The following FBXO42 variants were observed in gnomAD, a reference collection of about 807,000 sequenced individuals.
FBXO42 encodes F-box only protein 42.
In FBXO42, 12 loss-of-function variants were observed where a neutral mutation model predicts 71.7. That is an observed-to-expected ratio of 0.17 (90% CI 0.11 to 0.27). The LOEUF is 0.27. FBXO42 is among the 10% of genes least tolerant of loss of function. The pLI, the probability that FBXO42 is intolerant of heterozygous loss-of-function variation, is 1.00. For missense variants in FBXO42, 707 were observed against 911.9 expected, an observed-to-expected ratio of 0.78 and a Z score of 2.89; for synonymous variants, 325 against 327.5, an observed-to-expected ratio of 0.99 and a Z score of 0.08.
chr1:16,290,502 G>C (rs532537527), intron 4 of FBXO42, among the ~76,000 whole-genome samples: 2 of 152,190 alleles, frequency 1.3e-5, no homozygotes, highest in African/African-American at 4.8e-5. Flanking sequence ...GACCAGCCTG[G>C]CCAACATGGT....
Position 16,248,822 on chromosome 1 carries a change from G to A in FBXO42, c.*1848C>T, listed in dbSNP as rs1476463052. 6.6e-6 allele frequency: 1 copy of A among 152,270 alleles called. No individual in the cohort carries two copies. Among genetic ancestry groups the A allele is most frequent in the Non-Finnish European group, 1.5e-5 (1 of 68,048 alleles). 9.4% of individuals were successfully genotyped at this position (152,270 alleles called of 1,614,324 possible). On this transcript the variant is annotated 3_prime_UTR_variant, in exon 10 of 10. Transcript: ENST00000375592. ...ACACATGTTGTTTCCTCATTGAAGG[G>A]AACACAAAGAGCAGTTTCTGGAACA...
chr1:16,315,988 T>C (rs997645202), intron 1 of FBXO42, among the ~76,000 whole-genome samples: 4 of 151,890 alleles, frequency 2.6e-5, no homozygotes, highest in Admixed American at 6.6e-5. Context: ...CTGACAAACA[T>C]GGAGAAACCC....
intron 4 of FBXO42, among the ~76,000 whole-genome samples, chr1:16,276,134 C>T (rs1011038122): frequency 2.0e-5 from 3 of 152,102 alleles, no homozygotes; most frequent in South Asian, 2.1e-4. Context: ...GTAATCCCAG[C>T]ACTTTGGGAG....
chr1:16,328,664 A>C (rs1389661338), intron 1 of FBXO42, among the ~76,000 whole-genome samples: 2 of 152,126 alleles, frequency 1.3e-5, no homozygotes, highest in Non-Finnish European at 2.9e-5. Context: ...CTCATCTACC[A>C]CCTTGTTCTG....
intron 4 of FBXO42, among the ~76,000 whole-genome samples, chr1:16,284,873 C>T (rs983089110): frequency 3.9e-5 from 6 of 152,090 alleles, no homozygotes; most frequent in East Asian, 1.9e-4. Flanking sequence ...GAGGCTGAGG[C>T]GGGAGAATCG....
At chr1:16,305,701 G>A in intron 3 of FBXO42, 102 bp downstream of exon 3, 1 of 976,896 alleles carries the variant, frequency 1.0e-6, no homozygotes, top group South Asian at 1.3e-5. Context: ...GTGATAGAGT[G>A]AGACCTTGTC....
At chr1:16,330,516 T>C (rs952336323) in intron 1 of FBXO42, among the ~76,000 whole-genome samples, 6 of 151,296 alleles carry the variant, frequency 4.0e-5, no homozygotes, top group African/African-American at 1.2e-4. Flanking sequence ...CCCACAAAAA[T>C]TAATTTATTT....
At chr1:16,292,374 T>A (rs893425461) in intron 4 of FBXO42, 4 of 152,216 alleles carry the variant, frequency 2.6e-5, no homozygotes, top group African/African-American at 9.6e-5. Context: ...GCGTCTGGGC[T>A]TATATCTGTG....
At chr1:16,275,959 T>A (rs1369852854) in intron 4 of FBXO42, among the ~76,000 whole-genome samples, 3 of 151,672 alleles carry the variant, frequency 2.0e-5, no homozygotes, top group African/African-American at 7.3e-5. Context: ...TGAGACCCCG[T>A]CTCAAAATAA....
Position 16,328,449 on chromosome 1 carries a change from T to C in FBXO42, c.-17-13014A>G, listed in dbSNP as rs184493905. 5.3e-5 allele frequency among the ~76,000 whole-genome samples: 8 copies of C among 152,316 alleles called. No homozygotes were observed. In the East Asian group the frequency reaches 1.5e-3, roughly 29 times the overall value. ...TGGCATTGAACGATTAAGTAAATAGTTGGCAGATGGCTAGACCAAATTTTC... is the reference window on the plus strand; with the variant it reads ...TGGCATTGAACGATTAAGTAAATAGCTGGCAGATGGCTAGACCAAATTTTC... On this transcript the variant is annotated intron_variant, in intron 1 of 9. Coordinates refer to ENST00000375592, the MANE Select transcript of FBXO42 (RefSeq NM_018994.3).
rs2081545283 is a variant in FBXO42 at position 16,247,450 on chromosome 1, A to G, written c.*3220T>C. The G allele has an allele frequency of 6.6e-6, 1 of 152,254 alleles. No homozygotes were observed. The highest frequency in any genetic ancestry group is 2.1e-4 in the South Asian group (1 of 4,828). The allele number at this position is 152,254 out of a possible 1,614,324, so 9.4% of individuals were successfully genotyped here. ...GAAGGAAACCCAGAATGACAAGGTG[A>G]AAGAAAGGAAAGGGAAACATCTCTT... On this transcript the variant is annotated 3_prime_UTR_variant, in exon 10 of 10. Coordinates refer to ENST00000375592, the MANE Select transcript of FBXO42 (RefSeq NM_018994.3).
intron 4 of FBXO42, among the ~76,000 whole-genome samples, chr1:16,288,360 G>A (rs1290393499): frequency 1.3e-5 from 2 of 151,758 alleles, no homozygotes; most frequent in East Asian, 1.9e-4. Context: ...AACCCGGGAG[G>A]TGGAGGTTGC....
rs559500018 is a variant in FBXO42, at chr1:16,288,490, A to G, written c.502+6293T>C. On this transcript the variant is annotated intron_variant, in intron 4 of 9. Coordinates refer to ENST00000375592, the MANE Select transcript of FBXO42 (RefSeq NM_018994.3). ...AATAATAAACAAATGTCAAACTCTC[A>G]TAACAATGAATTACTAGATACTACT... 2.0e-5 allele frequency among the ~76,000 whole-genome samples: 3 copies of G among 151,744 alleles called. No homozygotes were observed. In the South Asian group the frequency reaches 6.2e-4, roughly 32 times the overall value.
At chr1:16,311,581 A>C (rs923781984) in intron 2 of FBXO42, among the ~76,000 whole-genome samples, 2 of 150,562 alleles carry the variant, frequency 1.3e-5, no homozygotes, top group Admixed American at 1.3e-4. Flanking sequence ...CAGACACTTC[A>C]CCAAAGAAGG....
At chr1:16,345,381 C>T (rs911909224) in intron 1 of FBXO42, among the ~76,000 whole-genome samples, 1 of 151,890 alleles carries the variant, frequency 6.6e-6, no homozygotes, top group Non-Finnish European at 1.5e-5. Flanking sequence ...TGAGATCCTG[C>T]CACTGAACTC....
rs1436195675 is a variant in FBXO42 at position 16,321,746 on chromosome 1, G to A, written c.-17-6311C>T. On this transcript the variant is annotated intron_variant, in intron 1 of 9. Coordinates refer to ENST00000375592, the MANE Select transcript of FBXO42 (RefSeq NM_018994.3). The stretch of plus-strand genomic sequence containing the variant: ...TCTGCTCTGTCGCCCAGGCTAGAGT[G>A]CAGTGGCACAATTATAGTTCACTGC... Among the ~76,000 whole-genome samples the A allele has an allele frequency of 2.0e-5, 3 of 151,278 alleles. No individual in the cohort carries two copies. In the East Asian group the frequency reaches 5.8e-4, roughly 29 times the overall value.
Position 16,252,309 on chromosome 1 carries a change from C to T in FBXO42, c.1017G>A (p.Leu339=), listed in dbSNP as rs1431440930. 1.9e-6 allele frequency: 3 copies of T among 1,614,186 alleles called. No individual in the cohort carries two copies. The highest frequency in any genetic ancestry group is 2.5e-6 in the Non-Finnish European group (3 of 1,179,986). ...VENEEHGAPE[L]WCHPACRVGQ... ...TTACCCGGCAAGCTGGATGGCACCA[C>T]AGTTCTGGGGCCCCATGCTCTTCAT... is the stretch of plus-strand genomic sequence containing the variant. Residue 339 remains leucine (L), a synonymous_variant, in exon 9 of 10, where the codon CTG becomes CTA. Transcript: ENST00000375592. This position sits in a 1 kb window ranked among gnomAD's most constrained non-coding sequence, Gnocchi z 4.4.
At chr1:16,339,255 G>C (rs1349769740) in intron 1 of FBXO42, among the ~76,000 whole-genome samples, 3 of 152,072 alleles carry the variant, frequency 2.0e-5, no homozygotes, top group Non-Finnish European at 4.4e-5. Flanking sequence ...ATTTCCAGAA[G>C]TCCATCTATA....
intron 2 of FBXO42, among the ~76,000 whole-genome samples, chr1:16,309,649 A>G (rs2100564716): frequency 6.6e-6 from 1 of 152,118 alleles, no homozygotes; most frequent in East Asian, 2.0e-4. Context: ...TAATCCCAAC[A>G]CTTTGGGAGG....
Sources: allele counts gnomAD v4.1 joint callset (sites outside exome capture counted in the v4.1 genomes callset), GRCh38; gene constraint gnomAD v4.1.1; non-coding constraint Gnocchi (gnomAD v3.1); transcripts MANE v1.5; gene names NCBI Gene and HGNC (gene_info 2026-07-23, HGNC 2026-07-21).